AGPS: variants seen among roughly 807,000 people sequenced by gnomAD.
The protein encoded by AGPS is alkyldihydroxyacetonephosphate synthase, peroxisomal.
AGPS carries 26 observed loss-of-function variants against 90.7 expected under a neutral mutation model. The ratio of observed to expected loss-of-function variants is 0.29; its 90% CI spans 0.21 to 0.40. The LOEUF (loss-of-function observed/expected upper bound fraction) is 0.40. Ranked by LOEUF, AGPS falls within the 10% of genes least tolerant of loss-of-function variation. The pLI is 1.00. For synonymous variants in AGPS, 294 were observed against 285.3 expected (o/e 1.03, Z -0.31); for missense variants, 540 against 816.1 (o/e 0.66, Z 4.12).
At chr2:177,445,507 A>T (rs1686743576) in intron 7 of AGPS, 39 bp from the exon 8 acceptor site, 2 of 1,480,122 alleles carry the variant, frequency 1.4e-6, no homozygotes, top group Non-Finnish European at 1.9e-6. Context: ...AAATATTAGT[A>T]GTTCCTGGAG....
chr2:177,436,950 G>T (rs374242073), intron 4 of AGPS, 30 bp from the exon 5 acceptor site: 17 of 1,611,434 alleles, frequency 1.1e-5, no homozygotes, highest in Non-Finnish European at 1.4e-5. Flanking sequence ...AGCTGTTTTT[G>T]TGTTTTTCTT....
chr2:177,523,494 C>T (rs1270943769), intron 18 of AGPS, among the ~76,000 whole-genome samples: 1 of 152,106 alleles, frequency 6.6e-6, no homozygotes, highest in Non-Finnish European at 1.5e-5. Flanking sequence ...GCTGAATGGT[C>T]ATTTTGTCTT....
At chr2:177,441,669 A>G (rs956702618) in intron 6 of AGPS, among the ~76,000 whole-genome samples, 2 of 152,142 alleles carry the variant, frequency 1.3e-5, no homozygotes, top group South Asian at 2.1e-4. Flanking sequence ...GGTGACTTTC[A>G]CATGTTTTCT....
At chr2:177,445,388 T>C (rs1209910823) in intron 7 of AGPS, among the ~76,000 whole-genome samples, 158 bp from the exon 8 acceptor site, 1 of 152,250 alleles carries the variant, frequency 6.6e-6, no homozygotes, top group Non-Finnish European at 1.5e-5. Flanking sequence ...TTGTATAGTC[T>C]GGGATAAGTG....
chr2:177,508,155 G>C (rs965569856), intron 16 of AGPS, 124 bp downstream of exon 16: 1 of 739,590 alleles, frequency 1.4e-6, no homozygotes, highest in East Asian at 2.7e-5. Flanking sequence ...AGACAAGGCA[G>C]CTACTTTATT....
At chr2:177,505,781 G>T (rs1374038510) in intron 15 of AGPS, among the ~76,000 whole-genome samples, 3 of 151,880 alleles carry the variant, frequency 2.0e-5, no homozygotes, top group African/African-American at 7.2e-5. Flanking sequence ...AGAAGTTAAA[G>T]ATGATTTAAT....
chr2:177,490,758 C>T (rs1381937872), intron 11 of AGPS, among the ~76,000 whole-genome samples: 4 of 150,130 alleles, frequency 2.7e-5, no homozygotes, highest in Non-Finnish European at 5.9e-5. Context: ...TGTCTATCCA[C>T]TTCATATATT....
chr2:177,523,456 GTT>G (rs1224901143), intron 18 of AGPS, among the ~76,000 whole-genome samples: 1 of 152,086 alleles, frequency 6.6e-6, no homozygotes, highest in Non-Finnish European at 1.5e-5. Context: ...CAACTTTGCA[GTT>G]ATTAATATTA....
chr2:177,417,302 T>C (rs774393000), intron 1 of AGPS, among the ~76,000 whole-genome samples: 2 of 152,206 alleles, frequency 1.3e-5, no homozygotes, highest in Non-Finnish European at 2.9e-5. Context: ...AAAATTACCT[T>C]CAGGCTATGT....
chr2:177,431,068 G>T (rs1449784901), intron 2 of AGPS, among the ~76,000 whole-genome samples: 1 of 152,142 alleles, frequency 6.6e-6, no homozygotes, highest in South Asian at 2.1e-4. Flanking sequence ...CCCACCCCCA[G>T]TATTTCAACA....
chr2:177,408,313 GCCACA>G (rs1417460388), intron 1 of AGPS, among the ~76,000 whole-genome samples: 1 of 152,138 alleles, frequency 6.6e-6, no homozygotes, highest in East Asian at 1.9e-4. Flanking sequence ...GGCCTTGGTG[GCCACA>G]CATTGGAATT....
Position 177,468,451 on chromosome 2 carries a change from A to G in AGPS, c.1032A>G (p.Ile344Met). Residue 344 changes from isoleucine to methionine, a missense_variant, in exon 10 of 20, where the codon ATA (isoleucine) becomes ATG (methionine). By Grantham distance (10) the Ile-to-Met change is conservative. Around this residue, in one of 2 missense-constraint regions of AGPS, gnomAD observed 405 missense variants for 692.1 expected, o/e 0.59. Coordinates refer to ENST00000264167, the MANE Select transcript of AGPS (RefSeq NM_003659.4). ...TAAAAATGGTAACACCTAGAGGTATAATAGAAAAAAGCTGTCAAGGACCTC... is the reference window on the plus strand; with the variant it reads ...TAAAAATGGTAACACCTAGAGGTATGATAGAAAAAAGCTGTCAAGGACCTC... The part of the protein sequence containing the change: ...VHIKMVTPRG[I>M]IEKSCQGPRM... 6.2e-7 allele frequency: 1 copy of G among 1,612,156 alleles called. No homozygotes were observed. Among genetic ancestry groups the G allele is most frequent in the Non-Finnish European group, 8.5e-7 (1 of 1,178,912 alleles).
At chr2:177,496,506 G>A (rs967846207) in intron 12 of AGPS, among the ~76,000 whole-genome samples, 18 of 152,034 alleles carry the variant, frequency 1.2e-4, no homozygotes, top group African/African-American at 4.1e-4. Flanking sequence ...AAATCCCCAA[G>A]CGTATCTCTT....
chr2:177,407,097 T>C (rs1172498002), intron 1 of AGPS, among the ~76,000 whole-genome samples: 1 of 152,202 alleles, frequency 6.6e-6, no homozygotes, highest in African/African-American at 2.4e-5. Context: ...GTACTGTTCC[T>C]GTGACTGGGG....
intron 14 of AGPS, 130 bp from the exon 15 acceptor site, chr2:177,505,376 G>C (rs776946524): frequency 6.2e-6 from 5 of 806,036 alleles, no homozygotes; most frequent in Non-Finnish European, 1.0e-5. Flanking sequence ...AAATTAAGAT[G>C]AAACAGAAAT....
chr2:177,395,718 G>A (rs1391532668), intron 1 of AGPS, among the ~76,000 whole-genome samples: 1 of 152,172 alleles, frequency 6.6e-6, no homozygotes, highest in Non-Finnish European at 1.5e-5. Flanking sequence ...GAATAATTTT[G>A]TGATTTGTGT....
intron 1 of AGPS, among the ~76,000 whole-genome samples, chr2:177,404,816 G>C (rs941534666): frequency 6.6e-6 from 1 of 151,948 alleles, no homozygotes; most frequent in African/African-American, 2.4e-5. Flanking sequence ...TTATTTCCAA[G>C]TTCATACCTG....
intron 2 of AGPS, among the ~76,000 whole-genome samples, chr2:177,429,186 G>A (rs1686165858): frequency 6.6e-6 from 1 of 152,062 alleles, no homozygotes; most frequent in Non-Finnish European, 1.5e-5. Flanking sequence ...CTCTAAACTG[G>A]CTCTTCTGGT....
At chr2:177,530,811 A>G (rs1265078524) in intron 19 of AGPS, among the ~76,000 whole-genome samples, 1 of 152,218 alleles carries the variant, frequency 6.6e-6, no homozygotes, top group Non-Finnish European at 1.5e-5. Flanking sequence ...TATAAAGCCT[A>G]CTTAACTTAA....
Sources: gnomAD v4.1 joint callset for allele counts (sites outside exome capture counted in the v4.1 genomes callset) on GRCh38, gnomAD v4.1.1 for gene constraint, gnomAD v4.1.1 regional missense constraint, MANE v1.5 for transcripts, NCBI Gene and HGNC (gene_info 2026-07-23, HGNC 2026-07-21) for gene names.